The following GLG1 variants were observed in gnomAD, a reference collection of about 807,000 sequenced individuals.
GLG1 encodes golgi glycoprotein 1.
A neutral mutation model predicts 160.5 loss-of-function variants in GLG1; 38 were observed. That is an observed-to-expected ratio of 0.24 (90% CI 0.18 to 0.31). GLG1 has a LOEUF of 0.31. GLG1 is among the 10% of genes least tolerant of loss of function. The probability of loss-of-function intolerance (pLI) is 1.00; values close to 1 mark genes in which losing one functional copy is unlikely to be tolerated. For missense variants in GLG1, 1,373 were observed against 1,505.2 expected (o/e 0.91, Z 1.45); for synonymous variants, 644 against 543.4 (o/e 1.19, Z -2.57).
At chr16:74,471,089 G>C in intron 15 of GLG1, 84 bp downstream of exon 15, 2 of 807,900 alleles carry the variant, frequency 2.5e-6, no homozygotes, top group Non-Finnish European at 4.4e-6. Flanking sequence ...AACATCAGAG[G>C]TGCTCTGATG....
In GLG1 at chr16:74,558,954, C is replaced by A. The variant is rs181491212; in HGVS notation, c.439-26801G>T. Reference sequence around the variant, plus strand: ...CCAGGCTGGAATGCAGTCACACAGACATAGCTTACTGCATCCCAGAACTGG... The same window carrying A: ...CCAGGCTGGAATGCAGTCACACAGAAATAGCTTACTGCATCCCAGAACTGG... On this transcript the variant is annotated intron_variant, in intron 1 of 25. Coordinates refer to ENST00000422840, the MANE Select transcript of GLG1 (RefSeq NM_001145667.2). Among the ~76,000 whole-genome samples the A allele has an allele frequency of 3.7e-4, 56 of 152,326 alleles. 1 individual carries two copies. The highest frequency in any genetic ancestry group is 1.3e-3 in the African/African-American group (54 of 41,580).
chr16:74,606,999 G>A lies in GLG1; in HGVS notation c.96C>T (p.Gly32=). The A allele has an allele frequency of 6.2e-7, 1 of 1,605,336 alleles. No homozygotes were observed. Among genetic ancestry groups the A allele is most frequent in the Non-Finnish European group, 8.5e-7 (1 of 1,177,950 alleles). The change falls in exon 1 of 26, where the codon GGC becomes GGT. Residue 32 remains glycine (G), a synonymous_variant. Transcript: ENST00000422840. ...LFAAGAEKLP[G]QGVHSQGQGP... ...CCTGGCCCTGGCTGTGGACGCCCTG[G>A]CCGGGGAGTTTCTCGGCCCCGGCCG...
At chr16:74,596,068 T>C (rs968052261) in intron 1 of GLG1, among the ~76,000 whole-genome samples, 2 of 151,474 alleles carry the variant, frequency 1.3e-5, no homozygotes, top group African/African-American at 4.9e-5. Context: ...GGTTGCCCCT[T>C]ATACGTGAAA....
chr16:74,467,684 T>C, intron 18 of GLG1, 72 bp downstream of exon 18: 3 of 1,044,458 alleles, frequency 2.9e-6, no homozygotes, highest in South Asian at 1.3e-5. Context: ...TTATGGGCAC[T>C]AGCTTTTGAG....
chr16:74,582,982 C>T (rs753164699), intron 1 of GLG1, among the ~76,000 whole-genome samples: 76 of 152,224 alleles, frequency 5.0e-4, no homozygotes, highest in Non-Finnish European at 7.8e-4. Context: ...GGTTTACTAC[C>T]TTTTAAATTT....
intron 1 of GLG1, among the ~76,000 whole-genome samples, chr16:74,567,239 G>T (rs1597354564): frequency 6.7e-6 from 1 of 149,776 alleles, no homozygotes; most frequent in African/African-American, 2.4e-5. Flanking sequence ...GACAGACAGA[G>T]AGAGGAGTTA....
At chr16:74,526,208 G>T (rs897689826) in intron 2 of GLG1, among the ~76,000 whole-genome samples, 3 of 151,188 alleles carry the variant, frequency 2.0e-5, no homozygotes, top group Non-Finnish European at 4.4e-5. Context: ...AAGGGAGAAA[G>T]AGAAGACTTG....
At chr16:74,584,617 T>TA (rs935368925) in intron 1 of GLG1, among the ~76,000 whole-genome samples, 4 of 151,706 alleles carry the variant, frequency 2.6e-5, no homozygotes, top group Non-Finnish European at 4.4e-5. Context: ...GGTTGAGGAA[T>TA]AAAAAAACCA....
intron 2 of GLG1, among the ~76,000 whole-genome samples, chr16:74,519,310 G>T (rs761660936): frequency 1.5e-5 from 2 of 129,368 alleles, no homozygotes; most frequent in Non-Finnish European, 3.2e-5. Context: ...ACAGGGAGGG[G>T]AACATCACAC....
At chr16:74,604,605 T>C (rs1025827181) in intron 1 of GLG1, among the ~76,000 whole-genome samples, 2 of 152,264 alleles carry the variant, frequency 1.3e-5, no homozygotes, top group East Asian at 1.9e-4. Context: ...TTCTACTTAC[T>C]GAACAGCAAA....
chr16:74,478,772 C>T (rs1214546048), intron 11 of GLG1, among the ~76,000 whole-genome samples: 2 of 150,374 alleles, frequency 1.3e-5, no homozygotes, highest in African/African-American at 2.5e-5. Flanking sequence ...ATTAGCCGGG[C>T]GTAGTGGCGC....
intron 1 of GLG1, among the ~76,000 whole-genome samples, chr16:74,591,849 A>G (rs1315233005): frequency 1.3e-5 from 2 of 152,198 alleles, no homozygotes; most frequent in African/African-American, 4.8e-5. Context: ...CTGGTTTTAT[A>G]CAGGGAAAAA....
chr16:74,457,004 A>G (rs566329495), intron 24 of GLG1, among the ~76,000 whole-genome samples: 31 of 152,258 alleles, frequency 2.0e-4, no homozygotes, highest in African/African-American at 7.2e-4. Flanking sequence ...GGTGGCAAAC[A>G]CCTGTAATCC....
intron 1 of GLG1, among the ~76,000 whole-genome samples, chr16:74,581,981 T>G (rs1291236680): frequency 6.6e-6 from 1 of 152,166 alleles, no homozygotes; most frequent in Non-Finnish European, 1.5e-5. Flanking sequence ...CACATTGGCT[T>G]GAACCCTCTC....
At chr16:74,502,983 G>A (rs1450178285) in intron 4 of GLG1, among the ~76,000 whole-genome samples, 1 of 151,770 alleles carries the variant, frequency 6.6e-6, no homozygotes, top group African/African-American at 2.4e-5. Context: ...GAGGCGGGCA[G>A]ATCACTTGAG....
chr16:74,522,824 C>G (rs1199904841), intron 2 of GLG1, among the ~76,000 whole-genome samples: 1 of 152,162 alleles, frequency 6.6e-6, no homozygotes, highest in East Asian at 1.9e-4. Flanking sequence ...GCTGGGACCA[C>G]AGGCCTGCAT....
Position 74,474,625 on chromosome 16 carries a change from T to A in GLG1, c.1973A>T (p.Glu658Val), listed in dbSNP as rs142760132. ...SEKTETGQEL[E>V]CLQDHLDDLV... is the part of the protein sequence containing the mutation. ...GTCATCCAGATGGTCCTGAAGGCAC[T>A]CCAGCTCCTGCAAATATAAAGGCAA... Residue 658 changes from glutamate (E) to valine (V), a missense_variant, in exon 13 of 26, where the codon GAG becomes GTG. Around this residue, in one of 4 missense-constraint regions of GLG1, gnomAD observed 386 missense variants for 388.5 expected, o/e 0.99. Coordinates refer to ENST00000422840, the MANE Select transcript of GLG1 (RefSeq NM_001145667.2). 35 of 1,528,052 alleles carry A rather than the reference T, an allele frequency of 2.3e-5. No individual in the cohort carries two copies. The highest frequency in any genetic ancestry group is 3.2e-5 in the Non-Finnish European group (35 of 1,101,482). The allele number at this position is 1,528,052 out of a possible 1,614,324, so 94.7% of individuals were successfully genotyped here.
At chr16:74,497,376 C>T (rs1365704114) in intron 4 of GLG1, among the ~76,000 whole-genome samples, 1 of 150,752 alleles carries the variant, frequency 6.6e-6, no homozygotes, top group Non-Finnish European at 1.5e-5. Context: ...AATTACACTG[C>T]TGAAATCTCT....
intron 4 of GLG1, among the ~76,000 whole-genome samples, chr16:74,499,363 C>T (rs976745635): frequency 2.0e-5 from 3 of 152,194 alleles, no homozygotes; most frequent in African/African-American, 7.2e-5. Context: ...GACTCAGCCT[C>T]CCAAGCAGCT....
Sources: allele counts gnomAD v4.1 joint callset (sites outside exome capture counted in the v4.1 genomes callset), GRCh38; gene constraint gnomAD v4.1.1; regional missense constraint gnomAD v4.1.1; transcripts MANE v1.5; gene names NCBI Gene and HGNC (gene_info 2026-07-23, HGNC 2026-07-21).